KCNK9: variants seen among roughly 807,000 people sequenced by gnomAD.
KCNK9 encodes potassium two pore domain channel subfamily K member 9.
KCNK9 carries 1 observed loss-of-function variant against 10.8 expected under a neutral mutation model. The observed-to-expected ratio is 0.09, with a 90% CI of 0.03 to 0.44. The LOEUF is 0.44. Among genes scored for constraint, KCNK9 ranks in the 20% least tolerant of loss-of-function variants. KCNK9 has a pLI of 0.97. For synonymous variants in KCNK9, 231 were observed against 222.7 expected, an observed-to-expected ratio of 1.04 and a Z score of -0.33; for missense variants, 303 against 515.0, an observed-to-expected ratio of 0.59 and a Z score of 3.98.
chr8:139,696,786 G>T (rs1436416288), intron 1 of KCNK9, among the ~76,000 whole-genome samples: 1 of 148,796 alleles, frequency 6.7e-6, no homozygotes, highest in Non-Finnish European at 1.5e-5. Context: ...TGGATGAGTG[G>T]GTAAATGGAT....
At chr8:139,697,363 ATGGATGGATG>A (rs1817087717) in intron 1 of KCNK9, among the ~76,000 whole-genome samples, 2 of 146,620 alleles carry the variant, frequency 1.4e-5, no homozygotes, top group African/African-American at 5.1e-5. Context: ...GGATGGATGG[ATGGATGGATG>A]GATGGATGGA....
At chr8:139,630,274 T>C (rs1476590378) in intron 1 of KCNK9, among the ~76,000 whole-genome samples, 2 of 152,172 alleles carry the variant, frequency 1.3e-5, no homozygotes, top group African/African-American at 4.8e-5. Context: ...ACTCTTAAGC[T>C]GAGCCTCAGA....
chr8:139,617,293 C>T lies in KCNK9; in HGVS notation c.*965G>A, dbSNP rs1009031841. Among the ~76,000 whole-genome samples the T allele has an allele frequency of 7.9e-5, 12 of 152,136 alleles. No individual in the cohort carries two copies. ...ATCATCAATAAGAGGGAAATAGATA[C>T]TCTGGGGTTCCAACAATTTTCCCGT... On this transcript the variant is annotated 3_prime_UTR_variant, in exon 2 of 2. Transcript: ENST00000520439.
intron 1 of KCNK9, among the ~76,000 whole-genome samples, chr8:139,654,900 G>T (rs573695663): frequency 2.6e-5 from 4 of 152,096 alleles, no homozygotes; most frequent in Non-Finnish European, 5.9e-5. Flanking sequence ...GAGAGTGGGC[G>T]GATAAATGGG....
At chr8:139,658,924 G>T (rs1816085392) in intron 1 of KCNK9, among the ~76,000 whole-genome samples, 1 of 152,246 alleles carries the variant, frequency 6.6e-6, no homozygotes, top group Non-Finnish European at 1.5e-5. Context: ...TGTGGATGAG[G>T]GTACACGGGA....
intron 1 of KCNK9, among the ~76,000 whole-genome samples, chr8:139,671,779 T>C (rs1264003339): frequency 6.6e-6 from 1 of 152,226 alleles, no homozygotes; most frequent in Non-Finnish European, 1.5e-5. Flanking sequence ...CGAGCTGGTC[T>C]TGAACTCCTG....
intron 1 of KCNK9, among the ~76,000 whole-genome samples, chr8:139,676,337 C>G (rs982807633): frequency 6.6e-6 from 1 of 152,242 alleles, no homozygotes; most frequent in African/African-American, 2.4e-5. Context: ...CCATCATTAG[C>G]TGGCTACTTG....
At chr8:139,613,138 A>G (rs1416817989), downstream of KCNK9, among the ~76,000 whole-genome samples, 1 of 152,216 alleles carries the variant, frequency 6.6e-6, no homozygotes, top group Non-Finnish European at 1.5e-5. Context: ...CATGGCGGAC[A>G]ATTTCTTCTT....
intron 1 of KCNK9, among the ~76,000 whole-genome samples, chr8:139,676,257 C>G (rs1816547106): frequency 1.3e-5 from 2 of 152,242 alleles, no homozygotes; most frequent in African/African-American, 4.8e-5. Flanking sequence ...ACATCCTTCC[C>G]TCTTCTCCCA....
chr8:139,663,963 G>A (rs2129714651), intron 1 of KCNK9, among the ~76,000 whole-genome samples: 1 of 152,264 alleles, frequency 6.6e-6, no homozygotes, highest in Admixed American at 6.5e-5. Flanking sequence ...AACACATCGG[G>A]GCCTGACACT....
intron 1 of KCNK9, among the ~76,000 whole-genome samples, chr8:139,626,600 G>A (rs1309639188): frequency 6.6e-6 from 1 of 152,290 alleles, no homozygotes; most frequent in Middle Eastern, 3.4e-3. Flanking sequence ...GTCTCCCAGG[G>A]AGCCTGGCTA....
intron 1 of KCNK9, among the ~76,000 whole-genome samples, chr8:139,625,286 G>A (rs1366279767): frequency 1.3e-5 from 2 of 152,188 alleles, no homozygotes; most frequent in Non-Finnish European, 1.5e-5. Flanking sequence ...TCCCAGCCCC[G>A]GACCCTGGTG....
intron 2 of KCNK9, chr8:139,602,159 A>G (rs531217305): frequency 2.5e-4 from 38 of 152,414 alleles, no homozygotes; most frequent in African/African-American, 9.1e-4. Context: ...TTCATTGGCC[A>G]GAACTAATCA....
chr8:139,616,164 G>T (rs1356118107), downstream of KCNK9: 1 of 152,054 alleles, frequency 6.6e-6, no homozygotes, highest in Non-Finnish European at 1.5e-5. Context: ...CTCTTACAAA[G>T]GTTTTCATGA....
At chr8:139,643,595 C>T (rs969969901) in intron 1 of KCNK9, among the ~76,000 whole-genome samples, 4 of 152,310 alleles carry the variant, frequency 2.6e-5, no homozygotes, top group East Asian at 1.9e-4. Context: ...GCCATGATGC[C>T]GGCCCTCAGC....
chr8:139,664,557 G>A (rs1205348609), intron 1 of KCNK9, among the ~76,000 whole-genome samples: 1 of 152,082 alleles, frequency 6.6e-6, no homozygotes, highest in Non-Finnish European at 1.5e-5. Flanking sequence ...TGAGAATCCA[G>A]AAGACGCTTA....
chr8:139,664,018 G>A (rs930007899), intron 1 of KCNK9, among the ~76,000 whole-genome samples: 7 of 152,162 alleles, frequency 4.6e-5, no homozygotes, highest in African/African-American at 1.7e-4. Flanking sequence ...GCGAGGGCTT[G>A]CGGCTATCCT....
intron 1 of KCNK9, among the ~76,000 whole-genome samples, chr8:139,632,363 C>T (rs555491260): frequency 6.6e-6 from 1 of 152,342 alleles, no homozygotes; most frequent in East Asian, 1.9e-4. Flanking sequence ...AGTCAGCCCA[C>T]GCTGGAGTCT....
chr8:139,633,562 C>T (rs1451157540), intron 1 of KCNK9, among the ~76,000 whole-genome samples: 1 of 152,164 alleles, frequency 6.6e-6, no homozygotes, highest in East Asian at 1.9e-4. Context: ...TGCACACACA[C>T]TCAGACACAC....
Sources: gnomAD v4.1 joint callset for allele counts (sites outside exome capture counted in the v4.1 genomes callset) on GRCh38, gnomAD v4.1.1 for gene constraint, MANE v1.5 for transcripts, NCBI Gene and HGNC (gene_info 2026-07-23, HGNC 2026-07-21) for gene names.